The following MYO1E variants were observed in gnomAD, a reference collection of about 807,000 sequenced individuals.
MYO1E encodes the protein myosin IE, also known as unconventional myosin-Ie.
MYO1E carries 68 observed loss-of-function variants against 151.1 expected under a neutral mutation model. That is an observed-to-expected ratio of 0.45 (90% CI 0.37 to 0.55). The LOEUF (loss-of-function observed/expected upper bound fraction) is 0.55. MYO1E is among the 20% of genes least tolerant of loss of function. The pLI is 0.00. For synonymous variants in MYO1E, 601 were observed against 501.7 expected (o/e 1.20, Z -2.64); for missense variants, 1,363 against 1,389.3 (o/e 0.98, Z 0.30).
chr15:59,343,861 T>A (rs551345766), intron 1 of MYO1E, among the ~76,000 whole-genome samples: 2 of 152,290 alleles, frequency 1.3e-5, no homozygotes, highest in Middle Eastern at 3.4e-3. Flanking sequence ...CTGATTCTCT[T>A]AACTTACTTC....
intron 1 of MYO1E, among the ~76,000 whole-genome samples, chr15:59,300,392 C>A (rs8025285): frequency 0.17 from 25,408 of 152,026 alleles, 3,533 homozygotes; most frequent in African/African-American, 0.39. Flanking sequence ...GCACACACAC[C>A]CCCATTCCCA....
chr15:59,370,768 A>T (rs1419872808), intron 1 of MYO1E, among the ~76,000 whole-genome samples: 3 of 152,234 alleles, frequency 2.0e-5, no homozygotes, highest in Non-Finnish European at 4.4e-5. Flanking sequence ...ACTGAGGGGA[A>T]GTTAATTTCC....
rs1343348705 is a variant in MYO1E at position 59,272,441 on chromosome 15, T to G, written c.12A>C (p.Lys4Asn). The change falls in exon 2 of 28, where the codon AAA (lysine) becomes AAC (asparagine). Residue 4 changes from lysine (K) to asparagine (N), a missense_variant. By Grantham distance (94) the Lys-to-Asn change is moderately conservative (BLOSUM62 0). Transcript: ENST00000288235. Reference sequence around the variant, plus strand: ...TTTGCCAGTGGTACTGGTAGACACCTTTGCTTCCCTGGGAACATAAAACAT... The same window carrying G: ...TTTGCCAGTGGTACTGGTAGACACCGTTGCTTCCCTGGGAACATAAAACAT... MGSKGVYQYHWQSH... is the reference protein window; with the variant it reads MGSNGVYQYHWQSH... 6.2e-7 allele frequency: 1 copy of G among 1,614,194 alleles called. No individual in the cohort carries two copies. The highest frequency in any genetic ancestry group is 8.5e-7 in the Non-Finnish European group (1 of 1,179,994).
At chr15:59,194,732 C>A (rs1365748214) in intron 17 of MYO1E, among the ~76,000 whole-genome samples, 1 of 152,168 alleles carries the variant, frequency 6.6e-6, no homozygotes, top group Non-Finnish European at 1.5e-5. Context: ...CAATGTGTGT[C>A]TGGGTCTCCC....
intron 1 of MYO1E, among the ~76,000 whole-genome samples, chr15:59,364,806 G>A (rs1026174640): frequency 3.9e-5 from 6 of 152,020 alleles, no homozygotes; most frequent in African/African-American, 1.2e-4. Context: ...TCAGGAGGTT[G>A]AGGCAGGAGA....
chr15:59,149,481 C>T (rs574384738), intron 26 of MYO1E, among the ~76,000 whole-genome samples: 121 of 152,284 alleles, frequency 7.9e-4, no homozygotes, highest in Middle Eastern at 6.8e-3. Flanking sequence ...CTGATTCCCA[C>T]GCAGATCTCT....
chr15:59,341,221 G>GT (rs2140429165), intron 1 of MYO1E: 1 of 152,094 alleles, frequency 6.6e-6, no homozygotes, highest in South Asian at 2.1e-4. Context: ...AAAAAATCCA[G>GT]TAATACTCTT....
rs1322939484 is a variant in MYO1E at position 59,136,858 on chromosome 15, C to G, written c.*522G>C. The stretch of plus-strand genomic sequence containing the variant: ...CCTGGGCTCAGCAGGCCAGCTTACC[C>G]TTGGCACGTACATGGGAAGTGCCTG... On this transcript the variant is annotated 3_prime_UTR_variant, in exon 28 of 28. Transcript: ENST00000288235. 1 of 437,974 alleles carries G rather than the reference C, an allele frequency of 2.3e-6. No homozygotes were observed. The highest frequency in any genetic ancestry group is 2.0e-5 in the African/African-American group (1 of 49,436). The allele number at this position is 437,974 out of a possible 1,614,324, so 27.1% of individuals were successfully genotyped here.
chr15:59,138,336 G>T lies in MYO1E; in HGVS notation c.3112C>A (p.Pro1038Thr). The T allele has an allele frequency of 6.2e-7, 1 of 1,614,164 alleles. No individual in the cohort carries two copies. The highest frequency in any genetic ancestry group is 1.7e-5 in the Admixed American group (1 of 60,020). ...VRRQTTSRPP[P>T]AGGRPKPQPK... ...TGGGGCTTGGGTCTGCCCCCTGCTG[G>T]GGGAGGCCGACTGGTTGTTTGTCTC... The change falls in exon 27 of 28, where the codon CCA (proline) becomes ACA (threonine). Residue 1038 changes from proline (P) to threonine (T), a missense_variant. Coordinates refer to ENST00000288235, the MANE Select transcript of MYO1E (RefSeq NM_004998.4).
intron 10 of MYO1E, among the ~76,000 whole-genome samples, chr15:59,217,320 C>A (rs1206747800): frequency 1.3e-5 from 2 of 152,096 alleles, no homozygotes; most frequent in East Asian, 3.9e-4. Flanking sequence ...TCCTCTTTTT[C>A]TGGTCTCTAG....
At chr15:59,192,880 T>C (rs1045437658) in intron 17 of MYO1E, among the ~76,000 whole-genome samples, 1 of 152,100 alleles carries the variant, frequency 6.6e-6, no homozygotes, top group Non-Finnish European at 1.5e-5. Flanking sequence ...TGTGGGTATG[T>C]GTGAGAGGTG....
chr15:59,214,672 C>T lies in MYO1E; in HGVS notation c.1156G>A (p.Val386Ile), dbSNP rs1260565102. The T allele has an allele frequency of 7.4e-6, 12 of 1,613,592 alleles. No homozygotes were observed. Among genetic ancestry groups the T allele is most frequent in the South Asian group, 2.2e-5 (2 of 91,074 alleles). The change falls in exon 11 of 28, where the codon GTC (valine) becomes ATC (isoleucine). Residue 386 changes from valine (V) to isoleucine (I), a missense_variant. Physicochemically the swap from Val to Ile is conservative, Grantham distance 29. Transcript: ENST00000288235. Reference protein sequence around the residue: ...EKDHEEYNIGVLDIYGFEIFQ... With the variant: ...EKDHEEYNIGILDIYGFEIFQ... Reference sequence around the variant, plus strand: ...ATTTCAAAGCCATAGATGTCTAGGACGCCAATGTTGTATTCTTCATGGTCT... The same window carrying T: ...ATTTCAAAGCCATAGATGTCTAGGATGCCAATGTTGTATTCTTCATGGTCT...
chr15:59,329,714 T>C (rs1256838105), intron 1 of MYO1E, among the ~76,000 whole-genome samples: 1 of 152,198 alleles, frequency 6.6e-6, no homozygotes, highest in Non-Finnish European at 1.5e-5. Context: ...CCACCACTTT[T>C]TGATTCTCTC....
At chr15:59,324,755 G>C (rs1414368177) in intron 1 of MYO1E, among the ~76,000 whole-genome samples, 2 of 151,564 alleles carry the variant, frequency 1.3e-5, no homozygotes, top group African/African-American at 4.9e-5. Context: ...TTCAGACTGA[G>C]GGGACCTGAG....
chr15:59,199,554 C>G (rs556219575), intron 16 of MYO1E, among the ~76,000 whole-genome samples: 19 of 152,100 alleles, frequency 1.2e-4, no homozygotes, highest in Admixed American at 3.3e-4. Context: ...ACGACAATAT[C>G]GAATTAAGTA....
chr15:59,312,977 A>T (rs1017928357), intron 1 of MYO1E, among the ~76,000 whole-genome samples: 13 of 152,260 alleles, frequency 8.5e-5, no homozygotes, highest in Admixed American at 5.9e-4. Flanking sequence ...GGAGGCGGAG[A>T]TCACGCCATT....
chr15:59,190,411 CG>C (rs2079725865), intron 17 of MYO1E, among the ~76,000 whole-genome samples: 2 of 152,212 alleles, frequency 1.3e-5, no homozygotes, highest in South Asian at 4.1e-4. Flanking sequence ...TCCGATGTCA[CG>C]CAGGTTCCCA....
At chr15:59,140,179 C>G (rs2079401160) in intron 26 of MYO1E, among the ~76,000 whole-genome samples, 2 of 152,110 alleles carry the variant, frequency 1.3e-5, no homozygotes, top group African/African-American at 2.4e-5. Context: ...ACCCCACTGT[C>G]ATAATTATTA....
At chr15:59,213,721 A>G (rs1471205358) in intron 12 of MYO1E, among the ~76,000 whole-genome samples, 1 of 152,078 alleles carries the variant, frequency 6.6e-6, no homozygotes, top group Non-Finnish European at 1.5e-5. Flanking sequence ...TCGGCCTCCC[A>G]AAGTGCTAGG....
Sources: allele counts gnomAD v4.1 joint callset (sites outside exome capture counted in the v4.1 genomes callset), GRCh38; gene constraint gnomAD v4.1.1; transcripts MANE v1.5; gene names NCBI Gene and HGNC (gene_info 2026-07-23, HGNC 2026-07-21).